IP6K1: variants seen among roughly 807,000 people sequenced by gnomAD.
The protein encoded by IP6K1 is inositol hexakisphosphate kinase 1.
A neutral mutation model predicts 38.3 loss-of-function variants in IP6K1; 13 were observed. The ratio of observed to expected loss-of-function variants is 0.34; its 90% CI spans 0.22 to 0.54. The LOEUF is 0.54. Among genes scored for constraint, IP6K1 ranks in the 20% least tolerant of loss-of-function variants. The pLI, the probability that IP6K1 is intolerant of heterozygous loss-of-function variation, is 0.92. For missense variants in IP6K1, 397 were observed against 599.8 expected, an observed-to-expected ratio of 0.66 and a Z score of 3.53; for synonymous variants, 212 against 229.9, an observed-to-expected ratio of 0.92 and a Z score of 0.70.
intron 1 of IP6K1, among the ~76,000 whole-genome samples, chr3:49,752,882 T>C (rs1182953194): frequency 6.6e-6 from 1 of 151,556 alleles, no homozygotes; most frequent in African/African-American, 2.4e-5. Context: ...GCCTCCCAAG[T>C]AGGTGGGGAC....
intron 1 of IP6K1, among the ~76,000 whole-genome samples, chr3:49,766,939 C>A (rs1405893607): frequency 9.9e-6 from 1 of 100,658 alleles, no homozygotes; most frequent in Admixed American, 1.7e-4. Flanking sequence ...GCCGGGGTGA[C>A]AAGAGCAAGA....
intron 1 of IP6K1, among the ~76,000 whole-genome samples, chr3:49,762,592 T>C (rs967828134): frequency 6.6e-6 from 1 of 151,970 alleles, no homozygotes; most frequent in Admixed American, 6.6e-5. Context: ...AACACTCCTA[T>C]ATCTATTAAG....
intron 3 of IP6K1, 115 bp downstream of exon 3, chr3:49,738,097 G>T: frequency 2.5e-6 from 2 of 812,162 alleles, no homozygotes; most frequent in Non-Finnish European, 2.0e-6. Context: ...GGTATCCCAA[G>T]AACACCAGTC....
chr3:49,758,022 A>G (rs2080839215), intron 1 of IP6K1, among the ~76,000 whole-genome samples: 1 of 152,148 alleles, frequency 6.6e-6, no homozygotes, highest in Non-Finnish European at 1.5e-5. Context: ...AAAAATGGTT[A>G]CTAGTGGCCA....
chr3:49,773,521 G>T (rs2080977700), intron 1 of IP6K1, among the ~76,000 whole-genome samples: 1 of 152,194 alleles, frequency 6.6e-6, no homozygotes, highest in Non-Finnish European at 1.5e-5. Context: ...TGAGGCAGGA[G>T]AATGGCATGA....
intron 1 of IP6K1, among the ~76,000 whole-genome samples, chr3:49,758,245 C>A (rs954413961): frequency 1.6e-5 from 2 of 126,756 alleles, no homozygotes; most frequent in Admixed American, 2.1e-4. Flanking sequence ...GCCTGGGAGG[C>A]GGAGGTTGCA....
At chr3:49,782,805 G>A (rs2081077701) in intron 1 of IP6K1, among the ~76,000 whole-genome samples, 1 of 151,758 alleles carries the variant, frequency 6.6e-6, no homozygotes, top group South Asian at 2.1e-4. Flanking sequence ...TTAAGAGACT[G>A]TCTCTTAAAA....
chr3:49,757,233 T>C (rs1303294205), intron 1 of IP6K1, among the ~76,000 whole-genome samples: 1 of 152,100 alleles, frequency 6.6e-6, no homozygotes, highest in African/African-American at 2.4e-5. Flanking sequence ...ACACATTAGG[T>C]TTCTGGCATG....
At chr3:49,730,318 TG>T (rs1207254932) in intron 4 of IP6K1, among the ~76,000 whole-genome samples, 2 of 152,356 alleles carry the variant, frequency 1.3e-5, no homozygotes, top group East Asian at 3.9e-4. Context: ...ATAACAGATG[TG>T]GGCCACCACA....
At chr3:49,764,379 C>G (rs375613916) in intron 1 of IP6K1, among the ~76,000 whole-genome samples, 1 of 44,850 alleles carries the variant, frequency 2.2e-5, no homozygotes, top group Non-Finnish European at 5.6e-5. Flanking sequence ...AAGACCCTGT[C>G]TCTAAAACGA....
chr3:49,758,239 G>A (rs1315506489), intron 1 of IP6K1, among the ~76,000 whole-genome samples: 2 of 151,064 alleles, frequency 1.3e-5, no homozygotes, highest in Non-Finnish European at 2.9e-5. Context: ...GCTTGAGCCT[G>A]GGAGGCGGAG....
chr3:49,741,478 A>G (rs1481070256), intron 2 of IP6K1, among the ~76,000 whole-genome samples: 4 of 151,738 alleles, frequency 2.6e-5, no homozygotes, highest in Non-Finnish European at 5.9e-5. Flanking sequence ...TCTCTATTCA[A>G]GCCCTTTGTG....
chr3:49,743,183 G>A (rs1472166442), intron 2 of IP6K1, among the ~76,000 whole-genome samples: 6 of 151,102 alleles, frequency 4.0e-5, no homozygotes, highest in Non-Finnish European at 8.8e-5. Flanking sequence ...TCATACCACT[G>A]CACTCTAGCC....
intron 3 of IP6K1, 53 bp from the exon 4 acceptor site, chr3:49,733,025 G>T: frequency 7.1e-7 from 1 of 1,410,746 alleles, no homozygotes. Context: ...GTCATCCTCT[G>T]GGGTCCCGCT....
chr3:49,740,287 C>G lies in IP6K1; in HGVS notation c.224-1865G>C, dbSNP rs2080655402. On this transcript the variant is annotated intron_variant, in intron 2 of 5. Coordinates refer to ENST00000321599, the MANE Select transcript of IP6K1 (RefSeq NM_153273.4). Reference sequence around the variant, plus strand: ...GGCTTGCTATGTTGCCCAGTCTGGTCTGGAACTCCGGGCCTCAAACAATCC... The same window carrying G: ...GGCTTGCTATGTTGCCCAGTCTGGTGTGGAACTCCGGGCCTCAAACAATCC... 4.3e-5 allele frequency among the ~76,000 whole-genome samples: 5 copies of G among 117,588 alleles called. No individual in the cohort carries two copies. The South Asian group carries it at 1.3e-3, about 31-fold the overall frequency. 77.1% of individuals were successfully genotyped at this position (117,588 alleles called of 152,430 possible). A position where few individuals can be genotyped will look rare whatever the true frequency, so the allele number is the denominator to read the frequency against.
At chr3:49,768,615 C>T (rs1032659167) in intron 1 of IP6K1, among the ~76,000 whole-genome samples, 7 of 151,884 alleles carry the variant, frequency 4.6e-5, no homozygotes, top group African/African-American at 1.7e-4. Context: ...ACCAAAAATA[C>T]AAAAATTAGC....
At chr3:49,786,108 T>C (rs989655065) in intron 1 of IP6K1, 1 of 152,342 alleles carries the variant, frequency 6.6e-6, no homozygotes, top group Non-Finnish European at 1.5e-5. Context: ...GAGAAGCTGG[T>C]TTCCCGCTAC....
At chr3:49,765,200 A>C (rs968102364) in intron 1 of IP6K1, among the ~76,000 whole-genome samples, 1 of 152,190 alleles carries the variant, frequency 6.6e-6, no homozygotes, top group African/African-American at 2.4e-5. Context: ...CCAGATAAAG[A>C]CTAAGGGAGT....
intron 1 of IP6K1, among the ~76,000 whole-genome samples, chr3:49,782,724 T>A (rs1236316326): frequency 6.6e-6 from 1 of 151,444 alleles, no homozygotes; most frequent in East Asian, 2.0e-4. Flanking sequence ...GGCAAGAAGA[T>A]CACTTGAGCC....
Sources: gnomAD v4.1 joint callset for allele counts (sites outside exome capture counted in the v4.1 genomes callset) on GRCh38, gnomAD v4.1.1 for gene constraint, MANE v1.5 for transcripts, NCBI Gene and HGNC (gene_info 2026-07-23, HGNC 2026-07-21) for gene names.